Variants in NAV3 observed in about 807,000 individuals in gnomAD.
NAV3 encodes neuron navigator 3, also known as pore membrane and/or filament interacting like protein 1.
In NAV3, 87 loss-of-function variants were observed where a neutral mutation model predicts 244.7. The ratio of observed to expected loss-of-function variants is 0.36; its 90% CI spans 0.30 to 0.42. The LOEUF (loss-of-function observed/expected upper bound fraction) is 0.42, where lower values mean the gene tolerates loss of function less well. Among genes scored for constraint, NAV3 ranks in the 20% least tolerant of loss-of-function variants. The pLI, the probability that NAV3 is intolerant of heterozygous loss-of-function variation, is 1.00. For missense variants in NAV3, 2,663 were observed against 2,893.3 expected (o/e 0.92, Z 1.83); for synonymous variants, 1,126 against 1,042.2 (o/e 1.08, Z -1.55).
At chr12:77,809,125 C>A (rs1197467996) in intron 2 of NAV3, among the ~76,000 whole-genome samples, 3 of 152,224 alleles carry the variant, frequency 2.0e-5, no homozygotes, top group Non-Finnish European at 4.4e-5. Context: ...GGGATGGGAT[C>A]TGCTGAGCTA....
At chr12:78,127,721 C>T (rs1383286366) in intron 17 of NAV3, among the ~76,000 whole-genome samples, 1 of 152,130 alleles carries the variant, frequency 6.6e-6, no homozygotes, top group African/African-American at 2.4e-5. Context: ...TTTTCATCAT[C>T]ACAGGACAAA....
intron 1 of NAV3, among the ~76,000 whole-genome samples, chr12:77,933,402 T>C (rs1889013443): frequency 6.6e-6 from 1 of 152,122 alleles, no homozygotes; most frequent in African/African-American, 2.4e-5. Flanking sequence ...TGAAAGAGAA[T>C]GACAGAAAAA....
chr12:77,769,352 C>T (rs1869952040), intron 2 of NAV3, among the ~76,000 whole-genome samples: 1 of 152,122 alleles, frequency 6.6e-6, no homozygotes, highest in Non-Finnish European at 1.5e-5. Context: ...GTAAAATGCC[C>T]ATTTTATCAG....
At chr12:78,194,360 G>A (rs1351134271) in intron 34 of NAV3, among the ~76,000 whole-genome samples, 1 of 151,946 alleles carries the variant, frequency 6.6e-6, no homozygotes, top group Non-Finnish European at 1.5e-5. Flanking sequence ...CTTGATACAC[G>A]ATTTCCTTTA....
At chr12:77,853,152 T>C (rs1245103689) in intron 1 of NAV3, among the ~76,000 whole-genome samples, 1 of 152,202 alleles carries the variant, frequency 6.6e-6, no homozygotes, top group East Asian at 1.9e-4. Flanking sequence ...ATCACCATTG[T>C]TATGAGGCCA....
At chr12:77,961,948 C>T (rs1242416900) in intron 3 of NAV3, among the ~76,000 whole-genome samples, 2 of 151,916 alleles carry the variant, frequency 1.3e-5, no homozygotes, top group Admixed American at 6.6e-5. Flanking sequence ...TTGATAAGCA[C>T]TATTATGAGC....
chr12:77,969,398 T>C (rs918712973), intron 5 of NAV3, among the ~76,000 whole-genome samples: 28 of 152,032 alleles, frequency 1.8e-4, no homozygotes, highest in Admixed American at 5.9e-4. Flanking sequence ...TTGTGAAGAA[T>C]TGGTTTAGCA....
At chr12:77,584,711 A>G (rs748936552) in intron 2 of NAV3, among the ~76,000 whole-genome samples, 3 of 152,228 alleles carry the variant, frequency 2.0e-5, no homozygotes, top group Non-Finnish European at 2.9e-5. Context: ...ATGATATTTT[A>G]TAGGCAGAAG....
At chr12:78,158,004 A>T (rs1453762536) in intron 22 of NAV3, among the ~76,000 whole-genome samples, 1 of 152,148 alleles carries the variant, frequency 6.6e-6, no homozygotes, top group Non-Finnish European at 1.5e-5. Flanking sequence ...TGGAAGGAAC[A>T]TGTACATTCT....
At chr12:77,767,271 A>G (rs987656683) in intron 2 of NAV3, among the ~76,000 whole-genome samples, 1 of 152,192 alleles carries the variant, frequency 6.6e-6, no homozygotes, top group African/African-American at 2.4e-5. Context: ...TATTTGTAAA[A>G]CAGGCAGTTC....
chr12:77,734,546 G>A (rs1441588553), intron 2 of NAV3, among the ~76,000 whole-genome samples: 1 of 152,146 alleles, frequency 6.6e-6, no homozygotes, highest in African/African-American at 2.4e-5. Flanking sequence ...TAACTTTGAG[G>A]TTTTAAAGAT....
chr12:77,631,470 G>A lies in NAV3; in HGVS notation c.72+59204G>A, dbSNP rs532346385. Among the ~76,000 whole-genome samples, 153 of 134,844 alleles carry A rather than the reference G, an allele frequency of 1.1e-3. 3 individuals are homozygous for A. In the South Asian group the frequency reaches 0.028, roughly 25 times the overall value. The allele number at this position is 134,844 out of a possible 152,430, so 88.5% of individuals were successfully genotyped here. A position where few individuals can be genotyped will look rare whatever the true frequency, so the allele number is the denominator to read the frequency against. On this transcript the variant is annotated intron_variant, in intron 2 of 8. Transcript: ENST00000550042. ...AAATTGGCATTATGTTAATCTTTTG[G>A]AAAAAAAAAAAAAAGCTTAGATCTC...
At chr12:77,732,015 G>T (rs570178879) in intron 2 of NAV3, among the ~76,000 whole-genome samples, 1 of 152,000 alleles carries the variant, frequency 6.6e-6, no homozygotes, top group African/African-American at 2.4e-5. Flanking sequence ...CGGTAGAAAG[G>T]AAGAGTTTGA....
chr12:77,759,966 C>G (rs757815379), intron 2 of NAV3, among the ~76,000 whole-genome samples: 3 of 152,084 alleles, frequency 2.0e-5, no homozygotes, highest in Non-Finnish European at 4.4e-5. Context: ...TTAAAGTAGC[C>G]TCTTTGTATA....
chr12:77,725,840 C>G lies in NAV3; in HGVS notation c.72+153574C>G, dbSNP rs183424742. On this transcript the variant is annotated intron_variant, in intron 2 of 8. Transcript: ENST00000550042. ...GCATTCCTTCTGGAAGATCTGTGGG[C>G]GAATCCATTTCATTGCTGTTTCTAG... Among the ~76,000 whole-genome samples, 51 of 151,984 alleles carry G rather than the reference C, an allele frequency of 3.4e-4. No homozygotes were observed. In the Middle Eastern group the frequency reaches 0.014, roughly 41 times the overall value.
intron 2 of NAV3, among the ~76,000 whole-genome samples, chr12:77,779,284 C>T (rs1870545338): frequency 6.6e-6 from 1 of 152,184 alleles, no homozygotes; most frequent in Non-Finnish European, 1.5e-5. Context: ...GTGAAACCAG[C>T]ACTGAAATAA....
chr12:78,189,066 T>A (rs116091245), intron 33 of NAV3, among the ~76,000 whole-genome samples: 1 of 151,886 alleles, frequency 6.6e-6, no homozygotes, highest in Non-Finnish European at 1.5e-5. Context: ...TTTTCTTCAT[T>A]ATCATCCTTC....
intron 2 of NAV3, among the ~76,000 whole-genome samples, chr12:77,681,691 C>T (rs917196029): frequency 1.3e-5 from 2 of 152,062 alleles, no homozygotes; most frequent in African/African-American, 2.4e-5. Flanking sequence ...TTTCCAAAAG[C>T]AAGACTCACA....
chr12:78,192,783 T>C (rs996102142), intron 34 of NAV3, among the ~76,000 whole-genome samples: 10 of 152,146 alleles, frequency 6.6e-5, no homozygotes, highest in Non-Finnish European at 7.3e-5. Flanking sequence ...AAAAAATATT[T>C]ATTTTTTATG....
Sources: allele counts gnomAD v4.1 joint callset (sites outside exome capture counted in the v4.1 genomes callset), GRCh38; gene constraint gnomAD v4.1.1; transcripts MANE v1.5; gene names NCBI Gene and HGNC (gene_info 2026-07-23, HGNC 2026-07-21).